LRP1B: variants seen among roughly 807,000 people sequenced by gnomAD.
LRP1B encodes low-density lipoprotein receptor-related protein 1B.
In LRP1B, 217 loss-of-function variants were observed where a neutral mutation model predicts 556.6. The ratio of observed to expected loss-of-function variants is 0.39; its 90% CI spans 0.35 to 0.44. The LOEUF (loss-of-function observed/expected upper bound fraction) is 0.44. Ranked by LOEUF, LRP1B falls within the 20% of genes least tolerant of loss-of-function variation. LRP1B has a pLI of 1.00. For synonymous variants in LRP1B, 2,047 were observed against 1,865.8 expected (o/e 1.10, Z -2.50); for missense variants, 5,053 against 5,620.8 (o/e 0.90, Z 3.23).
chr2:140,626,702 A>T (rs1190691630), intron 41 of LRP1B, among the ~76,000 whole-genome samples: 2 of 9,958 alleles, frequency 2.0e-4, no homozygotes, highest in Admixed American at 2.4e-3. Context: ...GCTTCCATTT[A>T]AAAAAAAAAA....
intron 1 of LRP1B, among the ~76,000 whole-genome samples, chr2:141,999,619 C>G (rs923690599): frequency 2.0e-5 from 3 of 152,102 alleles, no homozygotes; most frequent in Admixed American, 1.3e-4. Context: ...CCATACCTTT[C>G]TATTTAATTT....
chr2:140,936,365 AAGG>A (rs1448837351), intron 20 of LRP1B, among the ~76,000 whole-genome samples: 88 of 121,284 alleles, frequency 7.3e-4, no homozygotes, highest in Non-Finnish European at 1.2e-3. Context: ...AAAAAAAAGA[AAGG>A]AAAAAAGAAA....
At chr2:141,059,156 G>C (rs1270999332) in intron 8 of LRP1B, 102 bp from the exon 9 acceptor site, 1 of 725,254 alleles carries the variant, frequency 1.4e-6, no homozygotes, top group Non-Finnish European at 2.1e-6. Flanking sequence ...GGCCACAGCA[G>C]AAGAACCGCA....
intron 2 of LRP1B, among the ~76,000 whole-genome samples, chr2:141,660,837 G>A (rs937495374): frequency 6.6e-6 from 1 of 152,132 alleles, no homozygotes; most frequent in Non-Finnish European, 1.5e-5. Flanking sequence ...AGCGCGTTTT[G>A]TTAAGTGGGT....
chr2:141,383,459 G>A (rs909680432), intron 3 of LRP1B, among the ~76,000 whole-genome samples: 22 of 152,102 alleles, frequency 1.4e-4, no homozygotes, highest in African/African-American at 4.1e-4. Flanking sequence ...TGGAAATAAC[G>A]TAATTTTTCA....
chr2:141,973,167 G>C (rs918137420), intron 1 of LRP1B, among the ~76,000 whole-genome samples: 2 of 151,498 alleles, frequency 1.3e-5, no homozygotes, highest in South Asian at 4.1e-4. Flanking sequence ...ATTGTTAAAA[G>C]AATCTAATAT....
intron 1 of LRP1B, among the ~76,000 whole-genome samples, chr2:142,126,900 G>T (rs555537840): frequency 6.6e-6 from 1 of 151,660 alleles, no homozygotes; most frequent in African/African-American, 2.4e-5. Flanking sequence ...GTATCCCCTG[G>T]GCTGAGAAAA....
intron 49 of LRP1B, 129 bp from the exon 50 acceptor site, chr2:140,517,140 T>G (rs1229263549): frequency 1.1e-5 from 7 of 659,776 alleles, no homozygotes; most frequent in Non-Finnish European, 1.8e-5. Flanking sequence ...TAAGATTTTC[T>G]CCTAAAGAAT....
At chr2:140,890,905 A>T (rs539518720) in intron 23 of LRP1B, among the ~76,000 whole-genome samples, 1 of 152,240 alleles carries the variant, frequency 6.6e-6, no homozygotes, top group East Asian at 1.9e-4. Flanking sequence ...TAATCTTGAC[A>T]TAACTATATT....
intron 3 of LRP1B, among the ~76,000 whole-genome samples, chr2:141,255,449 TAGCTGGTGCTACAGAA>T (rs1684424840): frequency 1.3e-5 from 2 of 152,094 alleles, no homozygotes; most frequent in East Asian, 3.8e-4. Context: ...GCCAAGAGTT[TAGCTGGTGCTACAGAA>T]ATAAAATCAA....
rs2105389841 is a variant in LRP1B at position 141,015,912 on chromosome 2, C to A, written c.1974G>T (p.Trp658Cys). ...CTTCCTCCCAGTCTGTCCAATACAT[C>A]CAACTAAGACATTAAAAAAACAACA... ...RGIVVDPVNG[W>C]MYWTDWEEDE... is the part of the protein sequence containing the mutation. Residue 658 changes from tryptophan to cysteine, a missense_variant, in exon 13 of 91, where the codon TGG becomes TGT. By Grantham distance (215) the Trp-to-Cys change is radical. This residue lies in a region of LRP1B where 3,619 missense variants were observed against 3,931.9 expected (regional missense o/e 0.92). Coordinates refer to ENST00000389484, the MANE Select transcript of LRP1B (RefSeq NM_018557.3). 1 of 1,611,670 alleles carries A rather than the reference C, an allele frequency of 6.2e-7. No individual in the cohort carries two copies.
intron 3 of LRP1B, among the ~76,000 whole-genome samples, chr2:141,352,400 A>G (rs1688478367): frequency 6.6e-6 from 1 of 151,864 alleles, no homozygotes; most frequent in South Asian, 2.1e-4. Flanking sequence ...TTATTTTGGA[A>G]TAATTTTAGA....
At chr2:142,122,271 C>T (rs907288252) in intron 1 of LRP1B, among the ~76,000 whole-genome samples, 4 of 151,968 alleles carry the variant, frequency 2.6e-5, no homozygotes, top group Non-Finnish European at 4.4e-5. Flanking sequence ...CTTTCACTGT[C>T]AAGATTAATT....
intron 41 of LRP1B, among the ~76,000 whole-genome samples, chr2:140,607,898 G>A (rs1157131088): frequency 6.6e-6 from 1 of 151,888 alleles, no homozygotes; most frequent in Non-Finnish European, 1.5e-5. Context: ...GGATGCAATA[G>A]ATTTTAATAT....
chr2:142,104,047 C>A (rs1706659039), intron 1 of LRP1B, among the ~76,000 whole-genome samples: 1 of 152,042 alleles, frequency 6.6e-6, no homozygotes, highest in Admixed American at 6.6e-5. Context: ...TCTAATGAAG[C>A]CAAAAGACAA....
intron 1 of LRP1B, among the ~76,000 whole-genome samples, chr2:141,887,083 C>T (rs1040821102): frequency 6.6e-6 from 1 of 151,928 alleles, no homozygotes; most frequent in African/African-American, 2.4e-5. Flanking sequence ...GCAACCTCCA[C>T]CTGCCAGGTT....
At chr2:141,525,580 C>T (rs1684669344) in intron 2 of LRP1B, among the ~76,000 whole-genome samples, 1 of 151,922 alleles carries the variant, frequency 6.6e-6, no homozygotes, top group African/African-American at 2.4e-5. Context: ...AATAATTATG[C>T]TTTCAACTGG....
intron 1 of LRP1B, among the ~76,000 whole-genome samples, chr2:142,073,281 A>T (rs1460110196): frequency 6.6e-6 from 1 of 152,008 alleles, no homozygotes; most frequent in Non-Finnish European, 1.5e-5. Context: ...GTTCTGTTTG[A>T]ATAAAGGTAT....
intron 1 of LRP1B, among the ~76,000 whole-genome samples, chr2:141,987,995 T>G (rs1702246567): frequency 6.6e-6 from 1 of 151,942 alleles, no homozygotes; most frequent in Non-Finnish European, 1.5e-5. Flanking sequence ...ATTTCCTTGT[T>G]GATCATCTGC....
Sources: gnomAD v4.1 joint callset for allele counts (sites outside exome capture counted in the v4.1 genomes callset) on GRCh38, gnomAD v4.1.1 for gene constraint, gnomAD v4.1.1 regional missense constraint, MANE v1.5 for transcripts, NCBI Gene and HGNC (gene_info 2026-07-23, HGNC 2026-07-21) for gene names.